The following ENTPD7 variants were observed in gnomAD, a reference collection of about 807,000 sequenced individuals.
ENTPD7 encodes the protein NTPDase 7.
A neutral mutation model predicts 77.9 loss-of-function variants in ENTPD7; 53 were observed. That is an observed-to-expected ratio of 0.68 (90% CI 0.55 to 0.85). ENTPD7 has a LOEUF of 0.85. Among genes scored for constraint, ENTPD7 ranks in the 40% least tolerant of loss-of-function variants. The pLI is 0.00. For missense variants in ENTPD7, 636 were observed against 743.7 expected, an observed-to-expected ratio of 0.86 and a Z score of 1.68; for synonymous variants, 248 against 274.9, an observed-to-expected ratio of 0.90 and a Z score of 0.97.
Position 99,708,645 on chromosome 10 carries a change from C to T in ENTPD7, c.*3962C>T. 4.7e-6 allele frequency: 1 copy of T among 211,442 alleles called. No individual in the cohort carries two copies. Among genetic ancestry groups the T allele is most frequent in the Non-Finnish European group, 8.2e-6 (1 of 122,092 alleles). The allele number at this position is 211,442 out of a possible 1,614,324, so 13.1% of individuals were successfully genotyped here. The stretch of plus-strand genomic sequence containing the variant: ...AGACCAGGCTGCCCAAAAGAGCCTC[C>T]TATTTTATCCATAACCCCTGATGAT... On this transcript the variant is annotated 3_prime_UTR_variant, in exon 13 of 13. Transcript: ENST00000370489.
At chr10:99,680,009 T>A in intron 5 of ENTPD7, 134 bp downstream of exon 5, 1 of 1,067,732 alleles carries the variant, frequency 9.4e-7, no homozygotes, top group Non-Finnish European at 1.3e-6. Flanking sequence ...CATTCCCAAC[T>A]TCTTGTCATT....
chr10:99,662,785 C>G (rs1463274695), intron 3 of ENTPD7, among the ~76,000 whole-genome samples: 1 of 152,212 alleles, frequency 6.6e-6, no homozygotes, highest in African/African-American at 2.4e-5. Flanking sequence ...TACTGTTACT[C>G]CCCAGACCCA....
At chr10:99,702,277 T>C (rs568205365) in intron 11 of ENTPD7, among the ~76,000 whole-genome samples, 5 of 152,116 alleles carry the variant, frequency 3.3e-5, no homozygotes, top group African/African-American at 4.8e-5. Flanking sequence ...TCTCTGAAGA[T>C]AGGGACTCTT....
chr10:99,700,393 CGTGTGTGTGTGTGTGTGTGTATGT>C lies in ENTPD7; in HGVS notation c.1336-559_1336-536del, dbSNP rs1374837343. On this transcript the variant is annotated intron_variant, in intron 10 of 12. Transcript: ENST00000370489. The stretch of plus-strand genomic sequence containing the variant: ...TGAGCATTTATGTTATCCAACGTAC[CGTGTGTGTGTGTGTGTGTGTATGT>C]GTGTGTGTGTGTGTGTGTGTGTGTG... Among the ~76,000 whole-genome samples the C allele has an allele frequency of 2.5e-3, 263 of 103,612 alleles. 1 individual carries two copies. Among genetic ancestry groups the C allele is most frequent in the African/African-American group, 8.5e-3 (201 of 23,526 alleles). 68.0% of individuals were successfully genotyped at this position (103,612 alleles called of 152,430 possible).
At chr10:99,694,481 G>A (rs2035935993) in intron 8 of ENTPD7, among the ~76,000 whole-genome samples, 1 of 150,940 alleles carries the variant, frequency 6.6e-6, no homozygotes, top group South Asian at 2.1e-4. Flanking sequence ...TGGCTATTAT[G>A]CACAGTGCTG....
intron 3 of ENTPD7, among the ~76,000 whole-genome samples, chr10:99,663,902 G>T (rs1326519284): frequency 6.6e-6 from 1 of 152,100 alleles, no homozygotes; most frequent in Non-Finnish European, 1.5e-5. Flanking sequence ...GGGGACTCCA[G>T]TAACATGTAT....
chr10:99,664,024 A>AT (rs1264159026), intron 3 of ENTPD7, among the ~76,000 whole-genome samples: 2 of 151,230 alleles, frequency 1.3e-5, no homozygotes, highest in Non-Finnish European at 2.9e-5. Flanking sequence ...ATTTGTTAGT[A>AT]TTTTTTTCTG....
chr10:99,690,393 A>G (rs917526312), intron 7 of ENTPD7, among the ~76,000 whole-genome samples: 1 of 152,208 alleles, frequency 6.6e-6, no homozygotes, highest in African/African-American at 2.4e-5. Context: ...ATGAGTTCAT[A>G]GTCATATTTC....
chr10:99,695,859 A>C lies in ENTPD7; in HGVS notation c.844-97A>C, dbSNP rs2035963790. On this transcript the variant is annotated intron_variant, in intron 8 of 12. Transcript: ENST00000370489. ...GAATGCTTAAGATGTTTTAAAGAGT[A>C]GTCATAGAAATGAAGCCTCGTGTAT... 4.6e-6 allele frequency: 5 copies of C among 1,096,034 alleles called. No homozygotes were observed. The South Asian group carries it at 7.0e-5, about 15-fold the overall frequency. The allele number at this position is 1,096,034 out of a possible 1,614,324, so 67.9% of individuals were successfully genotyped here.
chr10:99,685,904 C>A lies in ENTPD7; in HGVS notation c.652+9C>A. 1 of 1,597,666 alleles carries A rather than the reference C, an allele frequency of 6.3e-7. No individual in the cohort carries two copies. Among genetic ancestry groups the A allele is most frequent in the Non-Finnish European group, 8.6e-7 (1 of 1,166,284 alleles). On this transcript the variant is annotated intron_variant, in intron 6 of 12. Coordinates refer to ENST00000370489, the MANE Select transcript of ENTPD7 (RefSeq NM_020354.5). ...CTCTGGGAAGCAGGAAGGTACTGGG[C>A]CTTAAGGGGTGCAGCTGGTTAACCT...
At chr10:99,678,254 G>T (rs1039035425) in intron 3 of ENTPD7, among the ~76,000 whole-genome samples, 1 of 149,918 alleles carries the variant, frequency 6.7e-6, no homozygotes, top group Non-Finnish European at 1.5e-5. Context: ...GGATCACGAG[G>T]TCAGGAGATC....
intron 9 of ENTPD7, 82 bp downstream of exon 9, chr10:99,696,204 G>C: frequency 2.0e-6 from 3 of 1,501,822 alleles, no homozygotes; most frequent in African/African-American, 1.4e-5. Flanking sequence ...ATCCTCCTAA[G>C]ACAGATAAGT....
chr10:99,686,521 TTAAAATTTCAGTATTGCATTTTTCAGTTG>T (rs2035812727), intron 6 of ENTPD7, among the ~76,000 whole-genome samples: 1 of 152,196 alleles, frequency 6.6e-6, no homozygotes, highest in African/African-American at 2.4e-5. Flanking sequence ...GATTTACCTT[TTAAAATTTCAGTATTGCATTTTTCAGTTG>T]TAAAATTTCT....
At chr10:99,675,275 C>T (rs1191258866) in intron 3 of ENTPD7, among the ~76,000 whole-genome samples, 2 of 151,144 alleles carry the variant, frequency 1.3e-5, no homozygotes, top group African/African-American at 4.9e-5. Context: ...GGATAGCTTC[C>T]CAATACTTAA....
At position 99,709,296 on chromosome 10, in the gene ENTPD7, A is replaced by C; in HGVS notation, c.*4613A>C. On this transcript the variant is annotated 3_prime_UTR_variant, in exon 13 of 13. Coordinates refer to ENST00000370489, the MANE Select transcript of ENTPD7 (RefSeq NM_020354.5). ...AAACTTTTCAAATTAATTCAAAACT[A>C]GTATCTAATTGTCCTTTTTGCTGTG... The C allele has an allele frequency of 4.1e-6, 4 of 985,364 alleles. No individual in the cohort carries two copies. Among genetic ancestry groups the C allele is most frequent in the Non-Finnish European group, 4.8e-6 (4 of 829,898 alleles). The allele number at this position is 985,364 out of a possible 1,614,324, so 61.0% of individuals were successfully genotyped here. A position where few individuals can be genotyped will look rare whatever the true frequency, so the allele number is the denominator to read the frequency against.
At chr10:99,695,833 A>G in intron 8 of ENTPD7, 123 bp from the exon 9 acceptor site, 1 of 874,348 alleles carries the variant, frequency 1.1e-6, no homozygotes, top group East Asian at 2.8e-5. Flanking sequence ...TGAGGATGAA[A>G]GAATGCTTAA....
In ENTPD7 at chr10:99,707,503, A is replaced by T. The variant is rs2036275841; in HGVS notation, c.*2820A>T. Reference sequence around the variant, plus strand: ...TTGCCATACCCTTTGGTTTTTAAAGATTTCTCTTCTATTTGCATTTCTGCA... The same window carrying T: ...TTGCCATACCCTTTGGTTTTTAAAGTTTTCTCTTCTATTTGCATTTCTGCA... On this transcript the variant is annotated 3_prime_UTR_variant, in exon 13 of 13. Coordinates refer to ENST00000370489, the MANE Select transcript of ENTPD7 (RefSeq NM_020354.5). Among the ~76,000 whole-genome samples the T allele has an allele frequency of 6.6e-6, 1 of 152,236 alleles. No homozygotes were observed. The highest frequency in any genetic ancestry group is 2.1e-4 in the South Asian group (1 of 4,834).
At chr10:99,666,870 T>C (rs999262438) in intron 3 of ENTPD7, among the ~76,000 whole-genome samples, 4 of 152,242 alleles carry the variant, frequency 2.6e-5, no homozygotes, top group African/African-American at 9.6e-5. Context: ...GTATACTTTC[T>C]ACTGAATGTG....
intron 3 of ENTPD7, among the ~76,000 whole-genome samples, chr10:99,667,166 A>G (rs2035560473): frequency 6.6e-6 from 1 of 152,232 alleles, no homozygotes; most frequent in Non-Finnish European, 1.5e-5. Flanking sequence ...CCAAAGTCCT[A>G]ACACCCTGGA....
Sources: allele counts gnomAD v4.1 joint callset (sites outside exome capture counted in the v4.1 genomes callset), GRCh38; gene constraint gnomAD v4.1.1; transcripts MANE v1.5; gene names NCBI Gene and HGNC (gene_info 2026-07-23, HGNC 2026-07-21).